Variants in NCAM2 observed in about 807,000 individuals in gnomAD.
NCAM2 encodes the protein N-CAM-2.
In NCAM2, 30 loss-of-function variants were observed where a neutral mutation model predicts 98.1. That is an observed-to-expected ratio of 0.31 (90% CI 0.23 to 0.41). The LOEUF is 0.41. NCAM2 is among the 10% of genes least tolerant of loss of function. NCAM2 has a pLI of 1.00. For missense variants in NCAM2, 867 were observed against 1,005.8 expected (o/e 0.86, Z 1.87); for synonymous variants, 368 against 342.4 (o/e 1.07, Z -0.83).
At chr21:21,490,803 G>GA (rs541688394) in intron 15 of NCAM2, among the ~76,000 whole-genome samples, 170 of 150,970 alleles carry the variant, frequency 1.1e-3, no homozygotes, top group South Asian at 6.1e-3. Flanking sequence ...TTGTTTTCTT[G>GA]AAAAAAAAGT....
intron 5 of NCAM2, among the ~76,000 whole-genome samples, chr21:21,312,615 G>T (rs1439249681): frequency 7.3e-6 from 1 of 137,772 alleles, no homozygotes; most frequent in African/African-American, 2.7e-5. Context: ...TTTACAGCTA[G>T]ATTTTTTTTC....
rs1403670288 is a variant in NCAM2 at position 21,181,938 on chromosome 21, A to T, written c.56-98640A>T. On this transcript the variant is annotated intron_variant, in intron 1 of 17. Coordinates refer to ENST00000400546, the MANE Select transcript of NCAM2 (RefSeq NM_004540.5). ...CCAGCCTTGGTGGCTTATGCCTATAATCCCAGCAATTTGGGAAGCTGAGGT... is the reference window on the plus strand; with the variant it reads ...CCAGCCTTGGTGGCTTATGCCTATATTCCCAGCAATTTGGGAAGCTGAGGT... Among the ~76,000 whole-genome samples, 5 of 151,742 alleles carry T rather than the reference A, an allele frequency of 3.3e-5. No individual in the cohort carries two copies. The East Asian group carries it at 9.7e-4, about 29-fold the overall frequency.
chr21:21,154,860 T>C (rs1294103894), intron 1 of NCAM2, among the ~76,000 whole-genome samples: 5 of 151,690 alleles, frequency 3.3e-5, no homozygotes, highest in African/African-American at 1.2e-4. Flanking sequence ...ATAGTTGAGG[T>C]TGTTGGAAAA....
intron 1 of NCAM2, among the ~76,000 whole-genome samples, chr21:21,201,935 G>C (rs1177805834): frequency 6.6e-6 from 1 of 152,122 alleles, no homozygotes; most frequent in Non-Finnish European, 1.5e-5. Context: ...GTTAAAAAAA[G>C]ACTTCCAGGT....
At chr21:21,113,812 C>CT (rs139468057) in intron 1 of NCAM2, among the ~76,000 whole-genome samples, 7,267 of 151,910 alleles carry the variant, frequency 0.048, 453 homozygotes, top group African/African-American at 0.15. Flanking sequence ...AGCAATGCCT[C>CT]TTTTTTTTGA....
Position 21,053,735 on chromosome 21 carries a change from C to T in NCAM2, c.55+55117C>T, listed in dbSNP as rs546672641. 8.6e-5 allele frequency among the ~76,000 whole-genome samples: 13 copies of T among 150,726 alleles called. No individual in the cohort carries two copies. The South Asian group carries it at 2.3e-3, about 27-fold the overall frequency. On this transcript the variant is annotated intron_variant, in intron 1 of 17. Transcript: ENST00000400546. ...TATTTACTCCTTTTCTGTCATTTTG[C>T]GTTTTGTTATGGTAAATTCATCTTT... is the stretch of plus-strand genomic sequence containing the variant.
At position 21,011,809 on chromosome 21, in the gene NCAM2, A is replaced by T. The variant is rs185700821; in HGVS notation, c.55+13191A>T. Among the ~76,000 whole-genome samples, 130 of 138,272 alleles carry T rather than the reference A, an allele frequency of 9.4e-4. 3 individuals are homozygous for T. The East Asian group carries it at 0.024, about 26-fold the overall frequency. The allele number at this position is 138,272 out of a possible 152,430, so 90.7% of individuals were successfully genotyped here. A position where few individuals can be genotyped will look rare whatever the true frequency, so the allele number is the denominator to read the frequency against. ...TCAAGAAAACAAATAACCCAATTTA[A>T]AAAAAGGGGGCCAAACAACTGAGTA... is the stretch of plus-strand genomic sequence containing the variant. On this transcript the variant is annotated intron_variant, in intron 1 of 17. Transcript: ENST00000400546.
At chr21:20,998,762 TTCTC>T in intron 1 of NCAM2, 144 bp downstream of exon 1, 1 of 818,822 alleles carries the variant, frequency 1.2e-6, no homozygotes, top group Non-Finnish European at 2.0e-6. Context: ...TTTTCGTTCT[TTCTC>T]CTAGCTGTCC....
At position 21,265,031 on chromosome 21, in the gene NCAM2, G is replaced by A. The variant is rs111220564; in HGVS notation, c.56-15547G>A. Among the ~76,000 whole-genome samples the A allele has an allele frequency of 1.4e-3, 89 of 65,520 alleles. 14 individuals are homozygous for A. Among genetic ancestry groups the A allele is most frequent in the Non-Finnish European group, 2.3e-3 (62 of 26,804 alleles). The allele number at this position is 65,520 out of a possible 152,430, so 43.0% of individuals were successfully genotyped here. Reference sequence around the variant, plus strand: ...ACATATATATTATATATGTGTCTGTGTATATATGTACACATATATACTATA... The same window carrying A: ...ACATATATATTATATATGTGTCTGTATATATATGTACACATATATACTATA... On this transcript the variant is annotated intron_variant, in intron 1 of 17. Coordinates refer to ENST00000400546, the MANE Select transcript of NCAM2 (RefSeq NM_004540.5).
At chr21:21,412,070 A>C (rs2076897719) in intron 10 of NCAM2, among the ~76,000 whole-genome samples, 2 of 152,136 alleles carry the variant, frequency 1.3e-5, no homozygotes, top group Admixed American at 1.3e-4. Flanking sequence ...TGAATACTTT[A>C]ATAAAATACT....
chr21:20,998,446 G>A lies in NCAM2; in HGVS notation c.-118G>A. On this transcript the variant is annotated 5_prime_UTR_variant, in exon 1 of 18. Transcript: ENST00000400546. ...GGAGCGCGCGGGCTGCGGGCGGCTGGGGCACCGCGGGAGCGGCGGCGGCGG... is the reference window on the plus strand; with the variant it reads ...GGAGCGCGCGGGCTGCGGGCGGCTGAGGCACCGCGGGAGCGGCGGCGGCGG... The A allele has an allele frequency of 3.2e-6, 3 of 933,148 alleles. No individual in the cohort carries two copies. The highest frequency in any genetic ancestry group is 1.7e-5 in the South Asian group (1 of 57,882). 57.8% of individuals were successfully genotyped at this position (933,148 alleles called of 1,614,324 possible). A position where few individuals can be genotyped will look rare whatever the true frequency, so the allele number is the denominator to read the frequency against.
chr21:21,240,130 G>A (rs2071006317), intron 1 of NCAM2, among the ~76,000 whole-genome samples: 1 of 151,958 alleles, frequency 6.6e-6, no homozygotes, highest in Non-Finnish European at 1.5e-5. Context: ...GTTGTAAAAT[G>A]GCTCTACTGA....
chr21:21,255,607 C>G (rs1194738120), intron 1 of NCAM2, among the ~76,000 whole-genome samples: 1 of 152,174 alleles, frequency 6.6e-6, no homozygotes, highest in East Asian at 1.9e-4. Flanking sequence ...TAACCAATTC[C>G]TAATATATAA....
chr21:21,498,375 T>C (rs1226204487), intron 15 of NCAM2, among the ~76,000 whole-genome samples: 1 of 152,224 alleles, frequency 6.6e-6, no homozygotes, highest in African/African-American at 2.4e-5. Context: ...ACAATGCTTT[T>C]TTCACAGCCA....
At chr21:21,537,568 T>C (rs1266200273) in intron 17 of NCAM2, among the ~76,000 whole-genome samples, 1 of 152,196 alleles carries the variant, frequency 6.6e-6, no homozygotes, top group Non-Finnish European at 1.5e-5. Context: ...ATATATTGTT[T>C]CATTCATCAT....
intron 1 of NCAM2, among the ~76,000 whole-genome samples, chr21:21,273,182 T>A (rs1568868480): frequency 6.6e-6 from 1 of 152,206 alleles, no homozygotes; most frequent in Non-Finnish European, 1.5e-5. Context: ...GCCTCAGCCT[T>A]CTCATCTCTA....
intron 1 of NCAM2, among the ~76,000 whole-genome samples, chr21:21,098,779 A>G (rs1028423861): frequency 1.3e-5 from 2 of 151,860 alleles, no homozygotes; most frequent in African/African-American, 4.8e-5. Context: ...ACAAAAAAAG[A>G]TGCATTTTTT....
At chr21:21,405,471 C>T (rs2076721065) in intron 9 of NCAM2, among the ~76,000 whole-genome samples, 1 of 151,924 alleles carries the variant, frequency 6.6e-6, no homozygotes, top group Non-Finnish European at 1.5e-5. Flanking sequence ...TAAAATTATA[C>T]AGTAAAAGTA....
At chr21:21,364,001 T>C (rs1471515333) in intron 8 of NCAM2, among the ~76,000 whole-genome samples, 1 of 152,028 alleles carries the variant, frequency 6.6e-6, no homozygotes, top group East Asian at 1.9e-4. Context: ...TTGTATAAAT[T>C]ACCTGTTCTT....
Sources: allele counts gnomAD v4.1 joint callset (sites outside exome capture counted in the v4.1 genomes callset), GRCh38; gene constraint gnomAD v4.1.1; transcripts MANE v1.5; gene names NCBI Gene and HGNC (gene_info 2026-07-23, HGNC 2026-07-21).